AXDND1: variants seen among roughly 807,000 people sequenced by gnomAD.
AXDND1 encodes axonemal dynein light chain domain-containing protein 1.
In AXDND1, 110 loss-of-function variants were observed where a neutral mutation model predicts 137.5. The ratio of observed to expected loss-of-function variants is 0.80; its 90% CI spans 0.69 to 0.94. The LOEUF (loss-of-function observed/expected upper bound fraction) is 0.94, where lower values mean the gene tolerates loss of function less well. Among genes scored for constraint, AXDND1 ranks in the 40% least tolerant of loss-of-function variants. The pLI, the probability that AXDND1 is intolerant of heterozygous loss-of-function variation, is 0.00. For synonymous variants in AXDND1, 414 were observed against 399.7 expected, an observed-to-expected ratio of 1.04 and a Z score of -0.43; for missense variants, 1,191 against 1,169.8, an observed-to-expected ratio of 1.02 and a Z score of -0.26.
At chr1:179,437,568 A>G (rs1330757588) in intron 15 of AXDND1, among the ~76,000 whole-genome samples, 1 of 152,156 alleles carries the variant, frequency 6.6e-6, no homozygotes, top group African/African-American at 2.4e-5. Flanking sequence ...TTGGCTCCCT[A>G]CATATCCCCC....
At chr1:179,447,734 C>A in intron 16 of AXDND1, 1 of 1,346,216 alleles carries the variant, frequency 7.4e-7, no homozygotes, top group Non-Finnish European at 1.1e-6. Flanking sequence ...CTATTTGCAC[C>A]AGTAGCTCCA....
chr1:179,459,887 T>C (rs1376513574), intron 16 of AXDND1, among the ~76,000 whole-genome samples: 3 of 141,386 alleles, frequency 2.1e-5, no homozygotes, highest in South Asian at 4.7e-4. Context: ...CTTTTCTCTT[T>C]TCTTTTCTTT....
chr1:179,472,770 T>C (rs1470338808), intron 17 of AXDND1, among the ~76,000 whole-genome samples: 3 of 152,186 alleles, frequency 2.0e-5, no homozygotes. Flanking sequence ...TTAGTAACTT[T>C]TTAAATTTTA....
chr1:179,544,441 A>C (rs1303713606), intron 25 of AXDND1: 1 of 152,198 alleles, frequency 6.6e-6, no homozygotes, highest in African/African-American at 2.4e-5. Flanking sequence ...TGGGAGGCCA[A>C]GGTGGGAGGA....
At chr1:179,463,565 C>T (rs532531961) in intron 16 of AXDND1, among the ~76,000 whole-genome samples, 24 of 152,046 alleles carry the variant, frequency 1.6e-4, no homozygotes, top group Admixed American at 3.9e-4. Flanking sequence ...GGAATAAGTG[C>T]GATGTGATGC....
intron 25 of AXDND1, chr1:179,545,388 A>C (rs1267988297): frequency 6.6e-6 from 1 of 152,202 alleles, no homozygotes; most frequent in Admixed American, 6.5e-5. Context: ...AAACTGTGTG[A>C]GGGATGGGTT....
chr1:179,469,870 TG>T (rs1435587672), intron 17 of AXDND1, among the ~76,000 whole-genome samples: 1 of 152,228 alleles, frequency 6.6e-6, no homozygotes, highest in African/African-American at 2.4e-5. Flanking sequence ...TTGCTTGTGC[TG>T]GTGTCATAGC....
At chr1:179,378,843 A>C in intron 5 of AXDND1, 86 bp downstream of exon 5, 1 of 1,104,674 alleles carries the variant, frequency 9.1e-7, no homozygotes, top group Non-Finnish European at 1.2e-6. Context: ...ATAAATATAA[A>C]ATATAAAACA....
intron 9 of AXDND1, among the ~76,000 whole-genome samples, chr1:179,392,605 G>A (rs1296852951): frequency 2.0e-5 from 3 of 152,124 alleles, no homozygotes; most frequent in Non-Finnish European, 4.4e-5. Flanking sequence ...GTGTAAAAGT[G>A]TTCTCTTTTC....
At chr1:179,421,514 G>C (rs985204821) in intron 12 of AXDND1, among the ~76,000 whole-genome samples, 4 of 151,310 alleles carry the variant, frequency 2.6e-5, no homozygotes, top group African/African-American at 9.7e-5. Context: ...CTCCTGAGTA[G>C]CTGGGAATAC....
At chr1:179,488,618 T>TTCTC (rs1217999406) in intron 18 of AXDND1, among the ~76,000 whole-genome samples, 1 of 86,510 alleles carries the variant, frequency 1.2e-5, no homozygotes, top group Non-Finnish European at 2.4e-5. Context: ...CTTTCTTTCT[T>TTCTC]TCTCTCTCTC....
chr1:179,477,924 G>T (rs1004271240), intron 17 of AXDND1, among the ~76,000 whole-genome samples: 2 of 152,164 alleles, frequency 1.3e-5, no homozygotes, highest in African/African-American at 4.8e-5. Context: ...GGGAGAAATT[G>T]GCCAAAACAA....
intron 17 of AXDND1, among the ~76,000 whole-genome samples, chr1:179,476,723 A>C (rs745778605): frequency 2.6e-5 from 4 of 152,046 alleles, no homozygotes; most frequent in Non-Finnish European, 5.9e-5. Flanking sequence ...TCAGCTGTTA[A>C]TCTTATTGGG....
chr1:179,415,666 T>A (rs1255358186), intron 12 of AXDND1, among the ~76,000 whole-genome samples: 1 of 152,036 alleles, frequency 6.6e-6, no homozygotes, highest in African/African-American at 2.4e-5. Flanking sequence ...CCCATTCAAC[T>A]TAGGTAATCA....
chr1:179,551,749 AG>A (rs1673315455), intron 25 of AXDND1: 1 of 396,770 alleles, frequency 2.5e-6, no homozygotes, highest in African/African-American at 2.0e-5. Flanking sequence ...CATAGAGAAA[AG>A]ATTAGCCAGC....
intron 12 of AXDND1, among the ~76,000 whole-genome samples, chr1:179,413,670 G>C (rs1053380357): frequency 8.5e-5 from 13 of 152,100 alleles, no homozygotes; most frequent in Non-Finnish European, 1.8e-4. Flanking sequence ...TTGATTCCAT[G>C]ACTTTGCTAT....
intron 4 of AXDND1, among the ~76,000 whole-genome samples, chr1:179,374,089 T>G (rs4459066): frequency 0.64 from 97,650 of 151,974 alleles, 31,765 homozygotes; most frequent in Middle Eastern, 0.7. Flanking sequence ...TCTGACAAAG[T>G]GCTAATATCC....
intron 16 of AXDND1, among the ~76,000 whole-genome samples, chr1:179,458,735 G>GA (rs369917828): frequency 6.6e-6 from 1 of 151,396 alleles, no homozygotes; most frequent in East Asian, 1.9e-4. Context: ...AATATCCCTA[G>GA]AAAAAAACTA....
intron 23 of AXDND1, among the ~76,000 whole-genome samples, chr1:179,531,733 A>G (rs1439870759): frequency 6.6e-6 from 1 of 152,184 alleles, no homozygotes; most frequent in Non-Finnish European, 1.5e-5. Flanking sequence ...TCCCTGAGGC[A>G]TGCCCAAGCC....
Sources: gnomAD v4.1 joint callset for allele counts (sites outside exome capture counted in the v4.1 genomes callset) on GRCh38, gnomAD v4.1.1 for gene constraint, MANE v1.5 for transcripts, NCBI Gene and HGNC (gene_info 2026-07-23, HGNC 2026-07-21) for gene names.